MIER1: variants seen among roughly 807,000 people sequenced by gnomAD.
MIER1 encodes the protein MIER1 transcriptional regulator, also known as mesoderm induction early response protein 1.
A neutral mutation model predicts 75.7 loss-of-function variants in MIER1; 40 were observed. The observed-to-expected ratio is 0.53, with a 90% confidence interval of 0.41 to 0.69. The LOEUF is 0.69. Among genes scored for constraint, MIER1 ranks in the 30% least tolerant of loss-of-function variants. The probability of loss-of-function intolerance (pLI) is 0.00; values close to 1 mark genes in which losing one functional copy is unlikely to be tolerated. For missense variants in MIER1, 574 were observed against 680.2 expected, an observed-to-expected ratio of 0.84 and a Z score of 1.74; for synonymous variants, 213 against 223.4, an observed-to-expected ratio of 0.95 and a Z score of 0.42.
At chr1:66,935,921 C>T (rs1034354733) in intron 2 of MIER1, among the ~76,000 whole-genome samples, 4 of 152,048 alleles carry the variant, frequency 2.6e-5, no homozygotes, top group Admixed American at 6.5e-5. Context: ...TGTATCATTT[C>T]TAATCAGCTA....
intron 4 of MIER1, among the ~76,000 whole-genome samples, chr1:66,949,717 A>G (rs953027809): frequency 6.6e-6 from 1 of 152,344 alleles, no homozygotes; most frequent in East Asian, 1.9e-4. Context: ...GAAAAAGTGA[A>G]TAAGATTTTG....
chr1:66,950,679 G>A (rs1658712378), intron 4 of MIER1, among the ~76,000 whole-genome samples: 1 of 148,230 alleles, frequency 6.7e-6, no homozygotes, highest in South Asian at 2.2e-4. Context: ...TAAAATGTGA[G>A]AGATTGCAGT....
rs367752865 is a variant in MIER1, at chr1:66,986,354, A to G, written c.*1454A>G. On this transcript the variant is annotated 3_prime_UTR_variant, in exon 14 of 14. Transcript: ENST00000401041. ...TTTTATATAGCTGATAGACCAACCT[A>G]TATCCAAACTTTTATAAAATATTAA... is the stretch of plus-strand genomic sequence containing the variant. The G allele has an allele frequency of 6.3e-7, 1 of 1,589,766 alleles. No homozygotes were observed. Among genetic ancestry groups the G allele is most frequent in the Non-Finnish European group, 8.5e-7 (1 of 1,170,356 alleles).
At chr1:66,945,291 A>G (rs1447153552) in intron 3 of MIER1, among the ~76,000 whole-genome samples, 4,826 of 16,060 alleles carry the variant, frequency 0.3, 265 homozygotes, top group African/African-American at 0.46. Flanking sequence ...ATATATATAT[A>G]TATATATATA....
chr1:66,954,703 T>C (rs1659724767), intron 4 of MIER1, among the ~76,000 whole-genome samples: 1 of 151,882 alleles, frequency 6.6e-6, no homozygotes, highest in African/African-American at 2.4e-5. Flanking sequence ...ATTTTTTTCT[T>C]TTTCCTTTTT....
chr1:66,984,883 G>A lies in MIER1; in HGVS notation c.1681G>A (p.Glu561Lys), dbSNP rs959738405. 2 of 1,591,146 alleles carry A rather than the reference G, an allele frequency of 1.3e-6. No individual in the cohort carries two copies. The highest frequency in any genetic ancestry group is 2.7e-5 in the African/African-American group (2 of 73,354). Residue 561 changes from glutamate to lysine, a missense_variant, in exon 14 of 14, where the codon GAA becomes AAA. By Grantham distance (56) the Glu-to-Lys change is moderately conservative. Around this residue, in one of 3 missense-constraint regions of MIER1, gnomAD observed 164 missense variants for 154.3 expected, o/e 1.06. Transcript: ENST00000401041. ...AVSHGKFEEL[E>K]NTDD The stretch of plus-strand genomic sequence containing the variant: ...CTCACATGGGAAATTTGAAGAACTT[G>A]AAAACACAGATGACTAAATTTTAGA...
intron 12 of MIER1, among the ~76,000 whole-genome samples, chr1:66,980,122 C>T (rs1665590326): frequency 6.6e-6 from 1 of 152,156 alleles, no homozygotes; most frequent in Non-Finnish European, 1.5e-5. Context: ...TATTTATTTC[C>T]AACAATTCCT....
chr1:66,965,069 T>C (rs1316831365), intron 8 of MIER1, among the ~76,000 whole-genome samples: 1 of 152,230 alleles, frequency 6.6e-6, no homozygotes, highest in Non-Finnish European at 1.5e-5. Context: ...CTACCACTTA[T>C]TTCTCAAGGT....
intron 2 of MIER1, among the ~76,000 whole-genome samples, chr1:66,931,267 G>T (rs1218856703): frequency 1.3e-5 from 2 of 152,142 alleles, no homozygotes; most frequent in Non-Finnish European, 2.9e-5. Context: ...CTAAGTATAC[G>T]CTACTGGAAC....
intron 7 of MIER1, 131 bp from the exon 8 acceptor site, chr1:66,962,957 G>A (rs1661558143): frequency 1.6e-5 from 9 of 576,610 alleles, no homozygotes; most frequent in Middle Eastern, 4.6e-4. Context: ...TACCTCTGAG[G>A]TAGTTAATTG....
intron 1 of MIER1, 109 bp downstream of exon 1, chr1:66,925,204 T>G (rs1271477771): frequency 1.4e-6 from 2 of 1,416,904 alleles, no homozygotes; most frequent in Admixed American, 3.4e-5. Context: ...CCCACGGCAG[T>G]GTACCGCCCG....
At chr1:66,944,226 C>T (rs564033484) in intron 3 of MIER1, among the ~76,000 whole-genome samples, 1 of 152,072 alleles carries the variant, frequency 6.6e-6, no homozygotes, top group African/African-American at 2.4e-5. Flanking sequence ...CTTTGCTTTA[C>T]TTATTGTTTA....
intron 11 of MIER1, among the ~76,000 whole-genome samples, chr1:66,976,095 T>C (rs1178636137): frequency 6.6e-6 from 1 of 151,920 alleles, no homozygotes; most frequent in Non-Finnish European, 1.5e-5. Flanking sequence ...CACCCCCTGC[T>C]GGGGTTCAAG....
chr1:66,959,788 T>C, intron 7 of MIER1, 45 bp downstream of exon 7: 1 of 983,566 alleles, frequency 1.0e-6, no homozygotes, highest in Admixed American at 3.1e-5. Context: ...AATTAATATT[T>C]TTTTAAAAAG....
intron 2 of MIER1, among the ~76,000 whole-genome samples, chr1:66,936,844 A>G (rs1016115247): frequency 6.6e-6 from 1 of 151,416 alleles, no homozygotes; most frequent in Non-Finnish European, 1.5e-5. Flanking sequence ...ACTAAAATAC[A>G]AAAAATTAGC....
chr1:66,972,881 C>T lies in MIER1; in HGVS notation c.1007-16C>T. 1 of 1,370,918 alleles carries T rather than the reference C, an allele frequency of 7.3e-7. No individual in the cohort carries two copies. Among genetic ancestry groups the T allele is most frequent in the Non-Finnish European group, 1.0e-6 (1 of 966,928 alleles). The allele number at this position is 1,370,918 out of a possible 1,614,324, so 84.9% of individuals were successfully genotyped here. A position where few individuals can be genotyped will look rare whatever the true frequency, so the allele number is the denominator to read the frequency against. On this transcript the variant is annotated splice_polypyrimidine_tract_variant and intron_variant, in intron 10 of 13. Coordinates refer to ENST00000401041, the MANE Select transcript of MIER1 (RefSeq NM_001077700.3). ...GGGGAATATTGCTTAACAGTTTGTT[C>T]CTCCCATCTTGTCAGAGGAATTATC...
intron 3 of MIER1, among the ~76,000 whole-genome samples, chr1:66,945,155 A>ACCT (rs1257973034): frequency 6.6e-6 from 1 of 151,912 alleles, no homozygotes; most frequent in Non-Finnish European, 1.5e-5. Context: ...ATACCTGTAA[A>ACCT]CCTCCCTCGG....
chr1:66,968,705 C>T (rs567740602), intron 8 of MIER1, among the ~76,000 whole-genome samples: 21 of 152,166 alleles, frequency 1.4e-4, no homozygotes, highest in Non-Finnish European at 2.6e-4. Context: ...CAGGCATGCT[C>T]CTTTGGACTT....
In MIER1 at chr1:66,988,046, G is replaced by A. The variant is rs75735989; in HGVS notation, c.*3146G>A. The A allele has an allele frequency of 2.0e-5, 3 of 152,332 alleles. No individual in the cohort carries two copies. Among genetic ancestry groups the A allele is most frequent in the East Asian group, 3.8e-4 (2 of 5,328 alleles). The allele number at this position is 152,332 out of a possible 1,614,324, so 9.4% of individuals were successfully genotyped here. A position where few individuals can be genotyped will look rare whatever the true frequency, so the allele number is the denominator to read the frequency against. ...TTGTCACAATATTTTCTTTGCTATC[G>A]ATGGATAATTAGGAGTGGGCACTTG... On this transcript the variant is annotated 3_prime_UTR_variant, in exon 14 of 14. Coordinates refer to ENST00000401041, the MANE Select transcript of MIER1 (RefSeq NM_001077700.3).
Sources: gnomAD v4.1 joint callset for allele counts (sites outside exome capture counted in the v4.1 genomes callset) on GRCh38, gnomAD v4.1.1 for gene constraint, gnomAD v4.1.1 regional missense constraint, MANE v1.5 for transcripts, NCBI Gene and HGNC (gene_info 2026-07-23, HGNC 2026-07-21) for gene names.